AFG1L: variants seen among roughly 807,000 people sequenced by gnomAD.
AFG1L encodes AFG1-like ATPase.
Under a neutral mutation model 62.2 loss-of-function variants are expected in AFG1L, and 53 were observed. The observed-to-expected ratio is 0.85, with a 90% CI of 0.68 to 1.07. The LOEUF (loss-of-function observed/expected upper bound fraction) is 1.07. Ranked by LOEUF, AFG1L falls within the 50% of genes least tolerant of loss-of-function variation. The probability of loss-of-function intolerance (pLI) is 0.00; values close to 1 mark genes in which losing one functional copy is unlikely to be tolerated. For synonymous variants in AFG1L, 228 were observed against 210.3 expected (o/e 1.08, Z -0.73); for missense variants, 555 against 590.5 (o/e 0.94, Z 0.62).
chr6:108,319,817 T>A (rs1240951489), intron 1 of AFG1L: 2 of 430,602 alleles, frequency 4.6e-6, no homozygotes, highest in South Asian at 1.7e-5. Flanking sequence ...TTATTTATTT[T>A]GAGACATAAG....
Position 108,523,243 on chromosome 6 carries a change from C to T in AFG1L, c.*818C>T, listed in dbSNP as rs1323638986. 10 of 152,388 alleles carry T rather than the reference C, an allele frequency of 6.6e-5. 1 individual carries two copies. Among genetic ancestry groups the T allele is most frequent in the African/African-American group, 1.7e-4 (7 of 41,558 alleles). The allele number at this position is 152,388 out of a possible 1,614,324, so 9.4% of individuals were successfully genotyped here. On this transcript the variant is annotated 3_prime_UTR_variant, in exon 13 of 13. Transcript: ENST00000368977. ...AGACTCCCGCTCACATGAGGCCAGC[C>T]GTACCCCAGTGGACAGCAGGCTCCT...
intron 6 of AFG1L, among the ~76,000 whole-genome samples, chr6:108,396,513 C>A (rs1781317011): frequency 6.6e-6 from 1 of 151,692 alleles, no homozygotes; most frequent in Non-Finnish European, 1.5e-5. Context: ...TTTTTTGAGG[C>A]AGAGTCTCAC....
intron 3 of AFG1L, among the ~76,000 whole-genome samples, chr6:108,350,826 T>G (rs184477266): frequency 2.0e-4 from 31 of 152,300 alleles, no homozygotes; most frequent in Admixed American, 1.2e-3. Context: ...TTGATTCAGA[T>G]TCTAGTTTCA....
intron 6 of AFG1L, among the ~76,000 whole-genome samples, chr6:108,396,623 T>G (rs2114612523): frequency 6.6e-6 from 1 of 152,206 alleles, no homozygotes; most frequent in African/African-American, 2.4e-5. Context: ...CCCAGGTAAC[T>G]GGGATTACAG....
intron 6 of AFG1L, among the ~76,000 whole-genome samples, chr6:108,388,293 C>T (rs993426371): frequency 1.3e-5 from 2 of 151,970 alleles, no homozygotes; most frequent in South Asian, 4.1e-4. Flanking sequence ...CTTGCTAGCG[C>T]TCTATCAATT....
intron 7 of AFG1L, among the ~76,000 whole-genome samples, chr6:108,413,069 A>G (rs1368156542): frequency 6.6e-6 from 1 of 152,198 alleles, no homozygotes; most frequent in East Asian, 1.9e-4. Flanking sequence ...GGATGGAGGA[A>G]GATCTACCAA....
chr6:108,515,899 A>G (rs2114910534), intron 11 of AFG1L, among the ~76,000 whole-genome samples: 1 of 152,362 alleles, frequency 6.6e-6, no homozygotes, highest in East Asian at 1.9e-4. Flanking sequence ...TAGAAAATCT[A>G]GAAGAAATGG....
intron 10 of AFG1L, among the ~76,000 whole-genome samples, chr6:108,507,520 GC>G (rs1187559016): frequency 6.6e-6 from 1 of 152,166 alleles, no homozygotes; most frequent in Non-Finnish European, 1.5e-5. Context: ...AGCTGAATGG[GC>G]AAAATTCTGA....
At chr6:108,445,294 C>T (rs1179758017) in intron 7 of AFG1L, among the ~76,000 whole-genome samples, 1 of 152,178 alleles carries the variant, frequency 6.6e-6, no homozygotes, top group Non-Finnish European at 1.5e-5. Context: ...CTGTTTTGAT[C>T]TTCTATCCAG....
At chr6:108,362,556 A>G (rs1218138747) in intron 5 of AFG1L, among the ~76,000 whole-genome samples, 2 of 152,216 alleles carry the variant, frequency 1.3e-5, no homozygotes, top group African/African-American at 4.8e-5. Flanking sequence ...GGTAATAGTC[A>G]AAGTTAATGG....
chr6:108,361,836 C>T (rs1779543169), intron 5 of AFG1L, among the ~76,000 whole-genome samples: 1 of 152,174 alleles, frequency 6.6e-6, no homozygotes, highest in Non-Finnish European at 1.5e-5. Flanking sequence ...ACTTCTGGTG[C>T]CCCTTACCCA....
chr6:108,390,006 C>G (rs928171986), intron 6 of AFG1L, among the ~76,000 whole-genome samples: 31 of 152,320 alleles, frequency 2.0e-4, no homozygotes, highest in Admixed American at 4.6e-4. Flanking sequence ...CTTTCACTTT[C>G]AGGTACACCA....
chr6:108,325,984 C>T (rs1266023306), intron 2 of AFG1L, among the ~76,000 whole-genome samples: 3 of 151,592 alleles, frequency 2.0e-5, no homozygotes, highest in South Asian at 2.1e-4. Flanking sequence ...GCCATACTGG[C>T]CGGGCTTGTC....
intron 2 of AFG1L, among the ~76,000 whole-genome samples, chr6:108,339,741 A>T (rs1365881213): frequency 3.3e-5 from 5 of 152,050 alleles, no homozygotes; most frequent in Non-Finnish European, 5.9e-5. Flanking sequence ...AACTACTGAA[A>T]TTCTTTTAAA....
chr6:108,386,461 CA>C (rs562057364), intron 6 of AFG1L, among the ~76,000 whole-genome samples: 382 of 126,354 alleles, frequency 3.0e-3, no homozygotes, highest in African/African-American at 9.2e-3. Flanking sequence ...AACTCCATCT[CA>C]AAAAAAAAAA....
In AFG1L at chr6:108,523,211, G is replaced by A. The variant is rs1775193345; in HGVS notation, c.*786G>A. 6.6e-6 allele frequency: 1 copy of A among 152,230 alleles called. No individual in the cohort carries two copies. Among genetic ancestry groups the A allele is most frequent in the African/African-American group, 2.4e-5 (1 of 41,420 alleles). The allele number at this position is 152,230 out of a possible 1,614,324, so 9.4% of individuals were successfully genotyped here. ...TGTCAGAGTCGTAGGCACTCCAACA[G>A]CAGAGGAGACTCCCGCTCACATGAG... is the stretch of plus-strand genomic sequence containing the variant. On this transcript the variant is annotated 3_prime_UTR_variant, in exon 13 of 13. Transcript: ENST00000368977.
chr6:108,459,564 T>C (rs1164587575), intron 8 of AFG1L, among the ~76,000 whole-genome samples: 1 of 152,156 alleles, frequency 6.6e-6, no homozygotes, highest in Non-Finnish European at 1.5e-5. Flanking sequence ...TTCTGAAAAA[T>C]TGGTAAATAA....
intron 10 of AFG1L, among the ~76,000 whole-genome samples, chr6:108,487,552 G>A (rs1773617746): frequency 6.6e-6 from 1 of 152,048 alleles, no homozygotes. Context: ...GATGAATACT[G>A]ATCTGTCATT....
chr6:108,374,716 C>G (rs993658994), intron 6 of AFG1L, among the ~76,000 whole-genome samples: 4 of 152,108 alleles, frequency 2.6e-5, no homozygotes, highest in Admixed American at 1.3e-4. Context: ...CAGTACCATG[C>G]TATTTTGGTT....
Sources: allele counts gnomAD v4.1 joint callset (sites outside exome capture counted in the v4.1 genomes callset), GRCh38; gene constraint gnomAD v4.1.1; transcripts MANE v1.5; gene names NCBI Gene and HGNC (gene_info 2026-07-23, HGNC 2026-07-21).